EPHB1: variants seen among roughly 807,000 people sequenced by gnomAD.
EPHB1 encodes EPH receptor B1.
Under a neutral mutation model 94.4 loss-of-function variants are expected in EPHB1, and 30 were observed. The observed-to-expected ratio is 0.32, with a 90% CI of 0.24 to 0.43. The LOEUF (loss-of-function observed/expected upper bound fraction) is 0.43, where lower values mean the gene tolerates loss of function less well. Among genes scored for constraint, EPHB1 ranks in the 20% least tolerant of loss-of-function variants. EPHB1 has a pLI of 1.00. For missense variants in EPHB1, 1,055 were observed against 1,308.3 expected (o/e 0.81, Z 2.99); for synonymous variants, 522 against 489.1 (o/e 1.07, Z -0.89).
intron 3 of EPHB1, among the ~76,000 whole-genome samples, chr3:134,986,687 A>G (rs934762738): frequency 4.0e-5 from 6 of 149,420 alleles, no homozygotes; most frequent in African/African-American, 1.5e-4. Flanking sequence ...GGTTACTATT[A>G]TAAACTTTTG....
intron 4 of EPHB1, among the ~76,000 whole-genome samples, chr3:135,120,404 A>G (rs914108514): frequency 1.3e-5 from 2 of 152,226 alleles, no homozygotes; most frequent in African/African-American, 4.8e-5. Flanking sequence ...TTATTAACAG[A>G]TGACAGTGTA....
chr3:135,167,030 T>C, intron 9 of EPHB1, 24 bp downstream of exon 9: 1 of 1,613,534 alleles, frequency 6.2e-7, no homozygotes, highest in Non-Finnish European at 8.5e-7. Context: ...AGAGACCCGG[T>C]GTCTGACCCC....
At position 135,052,890 on chromosome 3, in the gene EPHB1, AAT is replaced by A. The variant is rs1553726756; in HGVS notation, c.806-53539_806-53538del. 6.4e-3 allele frequency among the ~76,000 whole-genome samples: 350 copies of A among 54,504 alleles called. 4 individuals carry two copies. Among genetic ancestry groups the A allele is most frequent in the East Asian group, 0.017 (29 of 1,664 alleles). The allele number at this position is 54,504 out of a possible 152,430, so 35.8% of individuals were successfully genotyped here. A position where few individuals can be genotyped will look rare whatever the true frequency, so the allele number is the denominator to read the frequency against. On this transcript the variant is annotated intron_variant, in intron 3 of 15. Transcript: ENST00000398015. ...AAAAAAAAAAAAAAAAAAAAAAAAA[AAT>A]ATATATATATATATATATGTGTGTG...
intron 12 of EPHB1, among the ~76,000 whole-genome samples, chr3:135,202,067 G>C (rs907925484): frequency 6.6e-6 from 1 of 152,116 alleles, no homozygotes; most frequent in African/African-American, 2.4e-5. Context: ...CTGCAGCTGG[G>C]TTGGGAACTG....
intron 3 of EPHB1, 112 bp from the exon 4 acceptor site, chr3:135,106,336 G>A (rs2107798907): frequency 8.5e-7 from 1 of 1,182,578 alleles, no homozygotes; most frequent in South Asian, 1.4e-5. Context: ...TGGTACGAGA[G>A]GGGCATCTCA....
chr3:134,812,510 C>T (rs528054749), intron 1 of EPHB1, among the ~76,000 whole-genome samples: 1 of 152,298 alleles, frequency 6.6e-6, no homozygotes, highest in South Asian at 2.1e-4. Flanking sequence ...TTATCCATTT[C>T]ACAGTTGGTG....
chr3:135,177,609 G>T (rs756925489), intron 9 of EPHB1, among the ~76,000 whole-genome samples: 1 of 152,192 alleles, frequency 6.6e-6, no homozygotes, highest in African/African-American at 2.4e-5. Flanking sequence ...GTGGTCAGTG[G>T]CTTGAGAATG....
chr3:134,867,667 TG>T (rs2037408276), intron 1 of EPHB1, among the ~76,000 whole-genome samples: 1 of 152,168 alleles, frequency 6.6e-6, no homozygotes, highest in South Asian at 2.1e-4. Flanking sequence ...GGAGGAGTCT[TG>T]GAGAAAAAAC....
intron 9 of EPHB1, among the ~76,000 whole-genome samples, chr3:135,174,878 A>G (rs114661466): frequency 2.7e-3 from 413 of 152,322 alleles, no homozygotes; most frequent in South Asian, 7.7e-3. Flanking sequence ...ACACAAAAAT[A>G]TTAATGACTA....
chr3:135,039,032 C>T (rs987950966), intron 3 of EPHB1, among the ~76,000 whole-genome samples: 13 of 152,160 alleles, frequency 8.5e-5, no homozygotes, highest in Admixed American at 1.3e-4. Context: ...TACAGAGTTT[C>T]GACACACAGG....
chr3:135,055,502 C>T (rs987509322), intron 3 of EPHB1, among the ~76,000 whole-genome samples: 4 of 152,198 alleles, frequency 2.6e-5, no homozygotes, highest in Non-Finnish European at 5.9e-5. Context: ...GTGGTTGGCC[C>T]TTGTCCACAA....
At position 135,232,703 on chromosome 3, in the gene EPHB1, G is replaced by A. The variant is rs534893557; in HGVS notation, c.2347-8445G>A. Among the ~76,000 whole-genome samples the A allele has an allele frequency of 8.3e-4, 126 of 152,244 alleles. 2 individuals are homozygous for A. Among genetic ancestry groups the A allele is most frequent in the African/African-American group, 3.0e-3 (123 of 41,536 alleles). On this transcript the variant is annotated intron_variant, in intron 12 of 15. Coordinates refer to ENST00000398015, the MANE Select transcript of EPHB1 (RefSeq NM_004441.5). ...TGCTGTATTAGTCTGTTCTCATGCTGCTAATGAAGACATACTCAAGGCTGG... is the reference window on the plus strand; with the variant it reads ...TGCTGTATTAGTCTGTTCTCATGCTACTAATGAAGACATACTCAAGGCTGG...
At chr3:135,139,000 G>C (rs1008526986) in intron 5 of EPHB1, among the ~76,000 whole-genome samples, 2 of 152,216 alleles carry the variant, frequency 1.3e-5, no homozygotes, top group African/African-American at 4.8e-5. Flanking sequence ...TCCTCCACCA[G>C]ATGGTGAGCT....
intron 15 of EPHB1, 104 bp downstream of exon 15, chr3:135,249,595 C>A: frequency 7.5e-7 from 1 of 1,325,776 alleles, no homozygotes; most frequent in Non-Finnish European, 1.0e-6. Flanking sequence ...ATCCCTGGAG[C>A]TCCGTCTCTG....
rs1050859477 is a variant in EPHB1 at position 135,260,058 on chromosome 3, G to T, written c.*938G>T. ...AAATAAAATGAAAGGAAAAAAAAAA[G>T]TTTGCAAATTCAGACAGGAAACAGG... On this transcript the variant is annotated 3_prime_UTR_variant, in exon 16 of 16. Transcript: ENST00000398015. 1 of 231,720 alleles carries T rather than the reference G, an allele frequency of 4.3e-6. No individual in the cohort carries two copies. The highest frequency in any genetic ancestry group is 8.6e-6 in the Non-Finnish European group (1 of 116,836). 14.4% of individuals were successfully genotyped at this position (231,720 alleles called of 1,614,324 possible). A position where few individuals can be genotyped will look rare whatever the true frequency, so the allele number is the denominator to read the frequency against.
At chr3:134,868,336 C>A (rs2037423475) in intron 1 of EPHB1, among the ~76,000 whole-genome samples, 2 of 152,260 alleles carry the variant, frequency 1.3e-5, no homozygotes, top group Middle Eastern at 3.4e-3. Flanking sequence ...GCACCACTGC[C>A]CTATGGGTGG....
intron 1 of EPHB1, among the ~76,000 whole-genome samples, chr3:134,858,074 C>T (rs12630436): frequency 0.55 from 82,945 of 151,766 alleles, 25,506 homozygotes; most frequent in East Asian, 0.79. Flanking sequence ...GCTTGTGATA[C>T]TCTCCACCTA....
At chr3:135,086,162 G>A (rs890041503) in intron 3 of EPHB1, among the ~76,000 whole-genome samples, 1 of 152,112 alleles carries the variant, frequency 6.6e-6, no homozygotes, top group African/African-American at 2.4e-5. Context: ...TGGTAGGAGG[G>A]CATCCATGTT....
chr3:135,139,860 T>C (rs1279401716), intron 5 of EPHB1, among the ~76,000 whole-genome samples: 1 of 152,200 alleles, frequency 6.6e-6, no homozygotes, highest in South Asian at 2.1e-4. Flanking sequence ...ACAGACCAGT[T>C]TGAATGAACT....
Sources: allele counts gnomAD v4.1 joint callset (sites outside exome capture counted in the v4.1 genomes callset), GRCh38; gene constraint gnomAD v4.1.1; transcripts MANE v1.5; gene names NCBI Gene and HGNC (gene_info 2026-07-23, HGNC 2026-07-21).